The following PHACTR1 variants were observed in gnomAD, a reference collection of about 807,000 sequenced individuals.
PHACTR1 encodes the protein phosphatase and actin regulator 1.
In PHACTR1, 16 loss-of-function variants were observed where a neutral mutation model predicts 69.2. The observed-to-expected ratio is 0.23, with a 90% CI of 0.16 to 0.35. PHACTR1 has a LOEUF of 0.35. Ranked by LOEUF, PHACTR1 falls within the 10% of genes least tolerant of loss-of-function variation. PHACTR1 has a pLI of 1.00. For synonymous variants in PHACTR1, 312 were observed against 284.5 expected, an observed-to-expected ratio of 1.10 and a Z score of -0.97; for missense variants, 510 against 734.7, an observed-to-expected ratio of 0.69 and a Z score of 3.54.
chr6:13,118,364 A>G lies in PHACTR1; in HGVS notation c.416-41840A>G, dbSNP rs1164510644. On this transcript the variant is annotated intron_variant, in intron 5 of 14. Transcript: ENST00000332995. ...GACCTCAGGGAAGCAAGGAATCAAG[A>G]AGCCACTTGCCTGGGAGTTTTACCC... is the stretch of plus-strand genomic sequence containing the variant. Among the ~76,000 whole-genome samples, 9 of 152,312 alleles carry G rather than the reference A, an allele frequency of 5.9e-5. No individual in the cohort carries two copies. In the East Asian group the frequency reaches 1.7e-3, roughly 29 times the overall value.
intron 5 of PHACTR1, among the ~76,000 whole-genome samples, chr6:13,071,296 T>C (rs1809487369): frequency 6.6e-6 from 1 of 151,916 alleles, no homozygotes; most frequent in African/African-American, 2.4e-5. Context: ...GGCTTGGTGG[T>C]GTGCGCCTGT....
intron 3 of PHACTR1, among the ~76,000 whole-genome samples, chr6:12,739,144 G>C (rs1358219789): frequency 6.6e-6 from 1 of 152,024 alleles, no homozygotes; most frequent in Non-Finnish European, 1.5e-5. Context: ...ACATAGTAAG[G>C]CTTAACTGTC....
chr6:12,825,130 G>GACACACACACAC (rs139069335), intron 4 of PHACTR1, among the ~76,000 whole-genome samples: 1 of 151,040 alleles, frequency 6.6e-6, no homozygotes, highest in Non-Finnish European at 1.5e-5. Context: ...CACACACACA[G>GACACACACACAC]ACACACACAC....
intron 4 of PHACTR1, among the ~76,000 whole-genome samples, chr6:12,878,275 A>G (rs958800425): frequency 1.1e-4 from 17 of 152,220 alleles, no homozygotes; most frequent in Admixed American, 1.1e-3. Context: ...CCACAAAATC[A>G]TAGCTATTTT....
At chr6:12,944,020 G>A (rs1790327312) in intron 4 of PHACTR1, among the ~76,000 whole-genome samples, 1 of 152,164 alleles carries the variant, frequency 6.6e-6, no homozygotes, top group African/African-American at 2.4e-5. Flanking sequence ...TTGCCAAACT[G>A]CATGTGGGAT....
At chr6:12,786,163 G>A (rs1391194773) in intron 4 of PHACTR1, among the ~76,000 whole-genome samples, 1 of 152,150 alleles carries the variant, frequency 6.6e-6, no homozygotes, top group Non-Finnish European at 1.5e-5. Flanking sequence ...AGCTTTTTGT[G>A]TCTTTAAACA....
chr6:13,228,444 C>G (rs548772299), intron 9 of PHACTR1, among the ~76,000 whole-genome samples: 1 of 152,092 alleles, frequency 6.6e-6, no homozygotes, highest in Admixed American at 6.5e-5. Context: ...GTGTATGCAA[C>G]AAATTCACTT....
chr6:12,763,215 A>AAAC (rs71701647), intron 4 of PHACTR1, among the ~76,000 whole-genome samples: 5,707 of 150,070 alleles, frequency 0.038, 268 homozygotes, highest in East Asian at 0.21. Flanking sequence ...TCCGTCTCAA[A>AAAC]AACAACAACA....
chr6:12,776,274 A>C (rs149033266), intron 4 of PHACTR1, among the ~76,000 whole-genome samples: 3 of 152,156 alleles, frequency 2.0e-5, no homozygotes, highest in Non-Finnish European at 4.4e-5. Context: ...AAACATGAGA[A>C]TTTTTTTCTG....
At chr6:13,253,791 G>A (rs200657444) in intron 10 of PHACTR1, among the ~76,000 whole-genome samples, 14 of 152,344 alleles carry the variant, frequency 9.2e-5, no homozygotes, top group Admixed American at 4.6e-4. Flanking sequence ...CTGCATGGAC[G>A]TGGACATCTG....
intron 4 of PHACTR1, among the ~76,000 whole-genome samples, chr6:12,915,840 T>G (rs944182935): frequency 6.6e-6 from 1 of 152,204 alleles, no homozygotes; most frequent in African/African-American, 2.4e-5. Context: ...TGCTCTCACA[T>G]GGACTTTGGC....
At chr6:12,976,250 T>G (rs562383392) in intron 4 of PHACTR1, among the ~76,000 whole-genome samples, 6 of 152,344 alleles carry the variant, frequency 3.9e-5, no homozygotes, top group South Asian at 4.1e-4. Flanking sequence ...ATATGGAATA[T>G]TCTAATAAAG....
intron 6 of PHACTR1, among the ~76,000 whole-genome samples, chr6:13,162,264 TA>T (rs1759143931): frequency 7.2e-6 from 1 of 138,510 alleles, no homozygotes; most frequent in African/African-American, 2.7e-5. Flanking sequence ...CATGCACGGC[TA>T]CTTTTGTTTT....
At chr6:13,244,857 TTAAAG>T (rs1272577968) in intron 10 of PHACTR1, among the ~76,000 whole-genome samples, 1 of 152,178 alleles carries the variant, frequency 6.6e-6, no homozygotes, top group African/African-American at 2.4e-5. Flanking sequence ...GATTAAGAGA[TTAAAG>T]TAAAGACAGG....
intron 4 of PHACTR1, among the ~76,000 whole-genome samples, chr6:12,971,908 T>A (rs1387363960): frequency 2.6e-5 from 4 of 152,216 alleles, no homozygotes; most frequent in African/African-American, 9.6e-5. Flanking sequence ...AGCCTTTACA[T>A]TTTAGAAAGC....
At chr6:13,099,432 T>C (rs1814790832) in intron 5 of PHACTR1, among the ~76,000 whole-genome samples, 1 of 152,220 alleles carries the variant, frequency 6.6e-6, no homozygotes, top group South Asian at 2.1e-4. Context: ...AGGAACATCC[T>C]CTGGAATGGA....
chr6:13,003,806 T>C (rs1798386181), intron 4 of PHACTR1, among the ~76,000 whole-genome samples: 1 of 151,408 alleles, frequency 6.6e-6, no homozygotes, highest in Non-Finnish European at 1.5e-5. Flanking sequence ...GGGTACCCAC[T>C]GTTGAGCTCC....
At chr6:12,752,928 A>G (rs1766804812) in intron 4 of PHACTR1, among the ~76,000 whole-genome samples, 1 of 152,220 alleles carries the variant, frequency 6.6e-6, no homozygotes, top group Non-Finnish European at 1.5e-5. Context: ...TATTTTTCTA[A>G]GAGTCCTTTT....
At chr6:12,757,741 C>T (rs374911760) in intron 4 of PHACTR1, among the ~76,000 whole-genome samples, 2 of 152,058 alleles carry the variant, frequency 1.3e-5, no homozygotes, top group African/African-American at 4.8e-5. Context: ...TTTGGGGGCA[C>T]GGAGGATTGG....
Sources: allele counts gnomAD v4.1 joint callset (sites outside exome capture counted in the v4.1 genomes callset), GRCh38; gene constraint gnomAD v4.1.1; transcripts MANE v1.5; gene names NCBI Gene and HGNC (gene_info 2026-07-23, HGNC 2026-07-21).